The following PLEKHA2 variants were observed in gnomAD, a reference collection of about 807,000 sequenced individuals.
The protein encoded by PLEKHA2 is pleckstrin homology domain-containing family A member 2.
Under a neutral mutation model 53.2 loss-of-function variants are expected in PLEKHA2, and 28 were observed. That is an observed-to-expected ratio of 0.53 (90% CI 0.39 to 0.72). The LOEUF is 0.72. Among genes scored for constraint, PLEKHA2 ranks in the 30% least tolerant of loss-of-function variants. The pLI, the probability that PLEKHA2 is intolerant of heterozygous loss-of-function variation, is 0.00. For synonymous variants in PLEKHA2, 193 were observed against 196.4 expected (o/e 0.98, Z 0.14); for missense variants, 426 against 537.9 (o/e 0.79, Z 2.06).
chr8:38,969,532 G>A lies in PLEKHA2; in HGVS notation c.1027G>A (p.Ala343Thr), dbSNP rs1835203949. 10 of 1,613,198 alleles carry A rather than the reference G, an allele frequency of 6.2e-6. No individual in the cohort carries two copies. The highest frequency in any genetic ancestry group is 8.5e-6 in the Non-Finnish European group (10 of 1,179,554). Residue 343 changes from alanine (A) to threonine (T), a missense_variant, in exon 12 of 12, where the codon GCC becomes ACC. Transcript: ENST00000617275. ...RGRPPLEEKK[A>T]LCKAPSVASS... is the part of the protein sequence containing the mutation. ...GCGGCCACCTTTGGAGGAAAAGAAAGCCCTCTGCAAAGCCCCCTCTGTGGC... is the reference window on the plus strand; with the variant it reads ...GCGGCCACCTTTGGAGGAAAAGAAAACCCTCTGCAAAGCCCCCTCTGTGGC...
chr8:38,969,931 T>G lies in PLEKHA2; in HGVS notation c.*148T>G. 1 of 1,042,012 alleles carries G rather than the reference T, an allele frequency of 9.6e-7. No individual in the cohort carries two copies. The highest frequency in any genetic ancestry group is 1.4e-6 in the Non-Finnish European group (1 of 737,922). The allele number at this position is 1,042,012 out of a possible 1,614,324, so 64.5% of individuals were successfully genotyped here. On this transcript the variant is annotated 3_prime_UTR_variant, in exon 12 of 12. Transcript: ENST00000617275. ...ATGCTCTTTGGGAGGGAGGGGCCCATCCAGCTGGGCTGTGTGTGTGTGTGT... is the reference window on the plus strand; with the variant it reads ...ATGCTCTTTGGGAGGGAGGGGCCCAGCCAGCTGGGCTGTGTGTGTGTGTGT...
chr8:38,919,505 G>T (rs1834140816), intron 2 of PLEKHA2, among the ~76,000 whole-genome samples: 1 of 152,218 alleles, frequency 6.6e-6, no homozygotes, highest in Non-Finnish European at 1.5e-5. Context: ...GAAGAAGGGT[G>T]TGGGATCTGG....
At chr8:38,930,484 G>A (rs200452396) in intron 2 of PLEKHA2, among the ~76,000 whole-genome samples, 1 of 152,168 alleles carries the variant, frequency 6.6e-6, no homozygotes, top group African/African-American at 2.4e-5. Context: ...GATTACAGGC[G>A]TGAGCCACCA....
At chr8:38,939,665 G>A (rs901684382) in intron 3 of PLEKHA2, among the ~76,000 whole-genome samples, 16 of 152,216 alleles carry the variant, frequency 1.1e-4, no homozygotes, top group African/African-American at 3.4e-4. Flanking sequence ...TATCCAAACA[G>A]AATTAAAACA....
chr8:38,926,407 G>C (rs1834290063), intron 2 of PLEKHA2, among the ~76,000 whole-genome samples: 1 of 149,716 alleles, frequency 6.7e-6, no homozygotes, highest in Non-Finnish European at 1.5e-5. Context: ...TTAGAGACAG[G>C]GTTCTTACTC....
chr8:38,949,361 C>A (rs772814130), intron 5 of PLEKHA2, among the ~76,000 whole-genome samples: 2 of 152,132 alleles, frequency 1.3e-5, no homozygotes, highest in Non-Finnish European at 2.9e-5. Context: ...CCCCTGGCCT[C>A]TCCCGTTCTG....
At chr8:38,910,977 A>C (rs949976597) in intron 1 of PLEKHA2, among the ~76,000 whole-genome samples, 1 of 152,184 alleles carries the variant, frequency 6.6e-6, no homozygotes, top group Non-Finnish European at 1.5e-5. Flanking sequence ...GGCTGGAGTG[A>C]TTGTTAAAAT....
At chr8:38,954,641 C>T (rs1480055247) in intron 9 of PLEKHA2, among the ~76,000 whole-genome samples, 1 of 152,080 alleles carries the variant, frequency 6.6e-6, no homozygotes. Flanking sequence ...GCTTGGCCTC[C>T]CTGGAACCCA....
intron 2 of PLEKHA2, among the ~76,000 whole-genome samples, chr8:38,920,709 C>T (rs982925275): frequency 3.3e-5 from 5 of 151,892 alleles, no homozygotes; most frequent in African/African-American, 7.3e-5. Flanking sequence ...TACAGGTGTG[C>T]GCCACCACAC....
intron 10 of PLEKHA2, among the ~76,000 whole-genome samples, chr8:38,963,956 T>G (rs1029196711): frequency 6.6e-6 from 1 of 152,196 alleles, no homozygotes; most frequent in Non-Finnish European, 1.5e-5. Flanking sequence ...AGAAAGAGAT[T>G]TAATTATTTT....
intron 2 of PLEKHA2, among the ~76,000 whole-genome samples, chr8:38,935,040 G>A (rs113541430): frequency 0.011 from 1,617 of 152,192 alleles, 28 homozygotes; most frequent in African/African-American, 0.038. Context: ...GGGGGATGGA[G>A]TCTTGCTCTG....
intron 5 of PLEKHA2, 91 bp downstream of exon 5, chr8:38,946,312 A>T (rs923121827): frequency 1.8e-5 from 20 of 1,118,004 alleles, no homozygotes; most frequent in Non-Finnish European, 2.5e-5. Context: ...CTGAGATGGC[A>T]GCGGGGACTT....
At chr8:38,968,814 C>T in intron 11 of PLEKHA2, 145 bp downstream of exon 11, 3 of 714,304 alleles carry the variant, frequency 4.2e-6, no homozygotes, top group South Asian at 4.0e-5. Context: ...TTTTCTCATT[C>T]TACTAATTTG....
chr8:38,933,783 A>AG (rs1564125774), intron 2 of PLEKHA2, among the ~76,000 whole-genome samples: 1 of 144,290 alleles, frequency 6.9e-6, no homozygotes, highest in African/African-American at 2.7e-5. Flanking sequence ...TTTCCTAAAA[A>AG]AAAAAAAAAA....
chr8:38,925,330 A>G (rs552167856), intron 2 of PLEKHA2, among the ~76,000 whole-genome samples: 1 of 152,344 alleles, frequency 6.6e-6, no homozygotes, highest in East Asian at 1.9e-4. Context: ...CAGACTAACT[A>G]TGTTTTAGTT....
At chr8:38,921,378 G>A (rs1834191536) in intron 2 of PLEKHA2, among the ~76,000 whole-genome samples, 1 of 152,210 alleles carries the variant, frequency 6.6e-6, no homozygotes, top group Admixed American at 6.5e-5. Context: ...AATCCTGTCT[G>A]GCTGTTGCCA....
At position 38,917,924 on chromosome 8, in the gene PLEKHA2, C is replaced by T. The variant is rs994488440; in HGVS notation, c.-6C>T. The T allele has an allele frequency of 1.2e-5, 19 of 1,613,444 alleles. No homozygotes were observed. The highest frequency in any genetic ancestry group is 1.5e-5 in the Non-Finnish European group (18 of 1,179,570). On this transcript the variant is annotated 5_prime_UTR_variant, in exon 2 of 12. Coordinates refer to ENST00000617275, the MANE Select transcript of PLEKHA2 (RefSeq NM_021623.2). ...GCGCGCAGGGTGATGTGAGCAGAGC[C>T]CAGGAATGCCTTATGTGGATCGGCA...
intron 2 of PLEKHA2, among the ~76,000 whole-genome samples, chr8:38,925,295 C>T (rs1034781191): frequency 6.6e-5 from 10 of 152,268 alleles, no homozygotes; most frequent in East Asian, 1.9e-4. Context: ...TCCTTAGGGC[C>T]GCCCTACTCT....
chr8:38,921,584 G>A (rs1198802838), intron 2 of PLEKHA2, among the ~76,000 whole-genome samples: 1 of 152,226 alleles, frequency 6.6e-6, no homozygotes, highest in Non-Finnish European at 1.5e-5. Flanking sequence ...TGTGCCTCGG[G>A]CTGCCTTCTA....
Sources: allele counts gnomAD v4.1 joint callset (sites outside exome capture counted in the v4.1 genomes callset), GRCh38; gene constraint gnomAD v4.1.1; transcripts MANE v1.5; gene names NCBI Gene and HGNC (gene_info 2026-07-23, HGNC 2026-07-21).